Variants in NKAIN3 observed in about 807,000 individuals in gnomAD.
NKAIN3 encodes the protein sodium/potassium transporting ATPase interacting 3.
NKAIN3 carries 25 observed loss-of-function variants against 30.2 expected under a neutral mutation model. The observed-to-expected ratio is 0.83, with a 90% CI of 0.60 to 1.16. The LOEUF (loss-of-function observed/expected upper bound fraction) is 1.16. Ranked by LOEUF, NKAIN3 falls within the 50% of genes most tolerant of loss-of-function variation. The pLI is 0.00. For missense variants in NKAIN3, 225 were observed against 254.1 expected (o/e 0.89, Z 0.78); for synonymous variants, 91 against 89.6 (o/e 1.02, Z -0.09).
chr8:62,806,866 G>A (rs1354200302), intron 4 of NKAIN3, among the ~76,000 whole-genome samples: 1 of 151,478 alleles, frequency 6.6e-6, no homozygotes, highest in Non-Finnish European at 1.5e-5. Context: ...TCACCAGAGA[G>A]ATGTCTTGTT....
chr8:62,311,711 G>A (rs1190263431), intron 1 of NKAIN3, among the ~76,000 whole-genome samples: 6 of 150,388 alleles, frequency 4.0e-5, no homozygotes, highest in Non-Finnish European at 8.8e-5. Flanking sequence ...TGCCACCTGG[G>A]GCACACGAAG....
chr8:62,452,206 T>A (rs574122775), intron 1 of NKAIN3, among the ~76,000 whole-genome samples: 4 of 152,302 alleles, frequency 2.6e-5, no homozygotes, highest in African/African-American at 9.6e-5. Context: ...CTGGGTGCAG[T>A]GGCTCACATC....
At chr8:62,405,407 T>C (rs938538713) in intron 1 of NKAIN3, among the ~76,000 whole-genome samples, 1 of 152,178 alleles carries the variant, frequency 6.6e-6, no homozygotes, top group Non-Finnish European at 1.5e-5. Context: ...TATTAGCCTG[T>C]GGTGGTGGAG....
At chr8:62,477,203 G>T (rs1358861334) in intron 1 of NKAIN3, among the ~76,000 whole-genome samples, 3 of 152,164 alleles carry the variant, frequency 2.0e-5, no homozygotes, top group Non-Finnish European at 4.4e-5. Context: ...CAGGCTCCTT[G>T]CAGGAATGAG....
At chr8:62,929,782 A>G (rs1288668818) in intron 5 of NKAIN3, among the ~76,000 whole-genome samples, 1 of 152,206 alleles carries the variant, frequency 6.6e-6, no homozygotes, top group Non-Finnish European at 1.5e-5. Context: ...CATGCAGCCC[A>G]GGGTGACTTT....
chr8:62,318,867 T>A (rs528204592), intron 1 of NKAIN3, among the ~76,000 whole-genome samples: 12 of 152,272 alleles, frequency 7.9e-5, no homozygotes, highest in African/African-American at 2.9e-4. Context: ...TAGGGAGGAT[T>A]CCCTCTTTTT....
chr8:62,649,985 A>G (rs2130327001), intron 3 of NKAIN3, among the ~76,000 whole-genome samples: 1 of 152,196 alleles, frequency 6.6e-6, no homozygotes, highest in East Asian at 1.9e-4. Flanking sequence ...TTAAATATAG[A>G]TTCATTTGAG....
At position 62,971,974 on chromosome 8, in the gene NKAIN3, T is replaced by C. The variant is rs189651174; in HGVS notation, c.*6567T>C. On this transcript the variant is annotated 3_prime_UTR_variant, in exon 7 of 7. Coordinates refer to ENST00000623646, the MANE Select transcript of NKAIN3 (RefSeq NM_001304533.3). ...CAGGTTTAGCTTTTCTTCTCTAGAA[T>C]TGAGTTTAAAATTCTAGAGCCAATC... Among the ~76,000 whole-genome samples the C allele has an allele frequency of 5.5e-4, 84 of 152,328 alleles. No individual in the cohort carries two copies. The highest frequency in any genetic ancestry group is 1.9e-3 in the South Asian group (9 of 4,828).
chr8:62,962,113 T>A (rs995829287), intron 6 of NKAIN3, among the ~76,000 whole-genome samples: 5 of 152,138 alleles, frequency 3.3e-5, no homozygotes, highest in Non-Finnish European at 4.4e-5. Context: ...ATAGAAAATG[T>A]GTAAGTAATC....
At chr8:62,953,445 G>A (rs901837560) in intron 5 of NKAIN3, among the ~76,000 whole-genome samples, 8 of 152,168 alleles carry the variant, frequency 5.3e-5, no homozygotes, top group Non-Finnish European at 1.0e-4. Context: ...CGATTTTTGG[G>A]GAGTGGCTTG....
At chr8:62,320,492 A>G (rs1415746883) in intron 1 of NKAIN3, among the ~76,000 whole-genome samples, 1 of 151,942 alleles carries the variant, frequency 6.6e-6, no homozygotes, top group Non-Finnish European at 1.5e-5. Flanking sequence ...TTCCATGTTT[A>G]GTGCTTCCTT....
chr8:62,963,509 A>G (rs945941466), intron 6 of NKAIN3, among the ~76,000 whole-genome samples: 18 of 152,188 alleles, frequency 1.2e-4, no homozygotes, highest in Admixed American at 9.8e-4. Flanking sequence ...CACTGACACT[A>G]CTGCTAACAA....
chr8:62,576,308 C>T (rs1810107508), intron 1 of NKAIN3, among the ~76,000 whole-genome samples: 1 of 152,082 alleles, frequency 6.6e-6, no homozygotes, highest in African/African-American at 2.4e-5. Flanking sequence ...GCAAAAGATG[C>T]ATTTTTCTTT....
At chr8:62,990,142 A>T in intron 5 of NKAIN3, 1 of 1,073,228 alleles carries the variant, frequency 9.3e-7, no homozygotes, top group Non-Finnish European at 1.4e-6. Flanking sequence ...TGATATTTTA[A>T]AAATCAACTT....
chr8:62,770,003 A>G (rs1246037231), intron 4 of NKAIN3, among the ~76,000 whole-genome samples: 1 of 152,218 alleles, frequency 6.6e-6, no homozygotes, highest in African/African-American at 2.4e-5. Context: ...TGTGAGTAGC[A>G]TCTGGGATTT....
chr8:62,966,999 C>A lies in NKAIN3; in HGVS notation c.*1592C>A, dbSNP rs1303434901. 1.3e-5 allele frequency among the ~76,000 whole-genome samples: 2 copies of A among 152,192 alleles called. No homozygotes were observed. Among genetic ancestry groups the A allele is most frequent in the Non-Finnish European group, 2.9e-5 (2 of 68,024 alleles). ...CCAAGCTCATCACAACCACAGTGAGCCATTTGGAGACCTAATTTACTCACT... is the reference window on the plus strand; with the variant it reads ...CCAAGCTCATCACAACCACAGTGAGACATTTGGAGACCTAATTTACTCACT... On this transcript the variant is annotated 3_prime_UTR_variant, in exon 7 of 7. Coordinates refer to ENST00000623646, the MANE Select transcript of NKAIN3 (RefSeq NM_001304533.3).
chr8:62,378,863 C>A (rs1003345776), intron 1 of NKAIN3, among the ~76,000 whole-genome samples: 23 of 152,130 alleles, frequency 1.5e-4, no homozygotes, highest in African/African-American at 5.6e-4. Flanking sequence ...CCCACTGGGG[C>A]ACTGCATAGT....
rs535839546 is a variant in NKAIN3, at chr8:62,422,448, TA to T, written c.55-157085del. ...CTCTAATAACTTTGAGAAGAGTTAA[TA>T]AAAAATTATCAGCTTTTCAGTTTTG... is the stretch of plus-strand genomic sequence containing the variant. On this transcript the variant is annotated intron_variant, in intron 1 of 6. Coordinates refer to ENST00000623646, the MANE Select transcript of NKAIN3 (RefSeq NM_001304533.3). Among the ~76,000 whole-genome samples, 341 of 152,262 alleles carry T rather than the reference TA, an allele frequency of 2.2e-3. 1 individual carries two copies. Among genetic ancestry groups the T allele is most frequent in the African/African-American group, 8.0e-3 (332 of 41,568 alleles).
intron 4 of NKAIN3, among the ~76,000 whole-genome samples, chr8:62,849,401 G>A (rs1181136416): frequency 6.6e-6 from 1 of 150,784 alleles, no homozygotes; most frequent in African/African-American, 2.4e-5. Flanking sequence ...TTCAGTCTTG[G>A]GAGGGCATAT....
Sources: allele counts gnomAD v4.1 joint callset (sites outside exome capture counted in the v4.1 genomes callset), GRCh38; gene constraint gnomAD v4.1.1; transcripts MANE v1.5; gene names NCBI Gene and HGNC (gene_info 2026-07-23, HGNC 2026-07-21).